The following SGCZ variants were observed in gnomAD, a reference collection of about 807,000 sequenced individuals.
SGCZ encodes the protein zeta-sarcoglycan.
SGCZ carries 40 observed loss-of-function variants against 41.3 expected under a neutral mutation model. The observed-to-expected ratio is 0.97, with a 90% confidence interval of 0.75 to 1.26. The LOEUF (loss-of-function observed/expected upper bound fraction) is 1.26, where lower values mean the gene tolerates loss of function less well. Among genes scored for constraint, SGCZ ranks in the 50% most tolerant of loss-of-function variants. The pLI is 0.00. For synonymous variants in SGCZ, 206 were observed against 137.5 expected (o/e 1.50, Z -3.49); for missense variants, 552 against 369.8 (o/e 1.49, Z -4.04).
At chr8:14,926,498 CCT>C (rs71762875) in intron 1 of SGCZ, among the ~76,000 whole-genome samples, 18,548 of 152,050 alleles carry the variant, frequency 0.12, 1,275 homozygotes, top group African/African-American at 0.19. Flanking sequence ...TACTGTTTCT[CCT>C]CTTTGTTCTA....
chr8:15,025,747 G>A (rs562296873), intron 1 of SGCZ, among the ~76,000 whole-genome samples: 7 of 152,270 alleles, frequency 4.6e-5, no homozygotes, highest in African/African-American at 1.7e-4. Flanking sequence ...TGACATATGA[G>A]ATTGGAAATT....
chr8:15,219,454 T>A (rs949951379), intron 1 of SGCZ, among the ~76,000 whole-genome samples: 2 of 152,190 alleles, frequency 1.3e-5, no homozygotes, highest in Non-Finnish European at 2.9e-5. Context: ...TATTCGTTGG[T>A]CAAAAATCAG....
At chr8:14,729,403 C>T (rs60185304) in intron 1 of SGCZ, among the ~76,000 whole-genome samples, 10,396 of 152,176 alleles carry the variant, frequency 0.068, 783 homozygotes, top group African/African-American at 0.19. Context: ...TTCAATAAGA[C>T]TGTTTTTGAA....
At chr8:14,427,823 C>A (rs1799829548) in intron 2 of SGCZ, among the ~76,000 whole-genome samples, 1 of 152,070 alleles carries the variant, frequency 6.6e-6, no homozygotes, top group African/African-American at 2.4e-5. Flanking sequence ...CCTACTTACT[C>A]ATGGGTTCAG....
At chr8:14,436,797 G>A (rs751646881) in intron 2 of SGCZ, among the ~76,000 whole-genome samples, 1 of 152,190 alleles carries the variant, frequency 6.6e-6, no homozygotes, top group African/African-American at 2.4e-5. Flanking sequence ...TGGTGGTTTA[G>A]AGGAAAAGCA....
chr8:14,302,478 G>T (rs1801228147), intron 3 of SGCZ, among the ~76,000 whole-genome samples: 2 of 151,830 alleles, frequency 1.3e-5, no homozygotes, highest in Non-Finnish European at 2.9e-5. Flanking sequence ...TTCTCTGATG[G>T]TCATTCCTTA....
At chr8:14,711,993 G>C (rs1809533967) in intron 1 of SGCZ, among the ~76,000 whole-genome samples, 1 of 152,144 alleles carries the variant, frequency 6.6e-6, no homozygotes, top group Admixed American at 6.6e-5. Flanking sequence ...ACCAGGCCAG[G>C]CGTGGTGGCT....
intron 4 of SGCZ, among the ~76,000 whole-genome samples, chr8:14,166,271 A>G (rs1000158914): frequency 1.3e-5 from 2 of 152,204 alleles, no homozygotes; most frequent in African/African-American, 4.8e-5. Flanking sequence ...AAAATATGGA[A>G]ACCATTGAAG....
At chr8:14,565,604 G>T (rs1804334933) in intron 1 of SGCZ, among the ~76,000 whole-genome samples, 1 of 152,018 alleles carries the variant, frequency 6.6e-6, no homozygotes, top group African/African-American at 2.4e-5. Flanking sequence ...AATCTTTAAG[G>T]AAAAACAAAT....
At chr8:14,551,204 C>T (rs1803798690) in intron 2 of SGCZ, among the ~76,000 whole-genome samples, 1 of 146,718 alleles carries the variant, frequency 6.8e-6, no homozygotes, top group Non-Finnish European at 1.5e-5. Flanking sequence ...AAAATCAGTA[C>T]TTTATTATTG....
intron 1 of SGCZ, among the ~76,000 whole-genome samples, chr8:15,099,398 G>GA (rs1806515741): frequency 6.6e-6 from 1 of 152,034 alleles, no homozygotes; most frequent in African/African-American, 2.4e-5. Context: ...CAAATTCTTG[G>GA]AAAAAATACT....
At chr8:14,293,493 C>A (rs936697681) in intron 3 of SGCZ, among the ~76,000 whole-genome samples, 3 of 151,980 alleles carry the variant, frequency 2.0e-5, no homozygotes, top group African/African-American at 4.8e-5. Context: ...CACAGAATGT[C>A]ATTCAGTTAC....
At chr8:14,624,188 T>C (rs913669554) in intron 1 of SGCZ, among the ~76,000 whole-genome samples, 12 of 152,172 alleles carry the variant, frequency 7.9e-5, no homozygotes, top group Non-Finnish European at 1.3e-4. Context: ...TGTACAGCAA[T>C]ATTTTCATTA....
rs144357013 is a variant in SGCZ, at chr8:15,148,623, T to C, written c.39+88962A>G. Reference sequence around the variant, plus strand: ...TAATACAACCCCTGAATTTACGATATTGTTGAGTCTCACTTATACTACGGC... The same window carrying C: ...TAATACAACCCCTGAATTTACGATACTGTTGAGTCTCACTTATACTACGGC... On this transcript the variant is annotated intron_variant, in intron 1 of 7. Transcript: ENST00000382080. 1.0e-3 allele frequency among the ~76,000 whole-genome samples: 154 copies of C among 152,288 alleles called. 3 individuals carry two copies. In the East Asian group the frequency reaches 0.027, roughly 27 times the overall value.
intron 1 of SGCZ, among the ~76,000 whole-genome samples, chr8:15,015,109 G>A (rs1425829352): frequency 6.6e-6 from 1 of 152,074 alleles, no homozygotes; most frequent in Non-Finnish European, 1.5e-5. Flanking sequence ...TGGGCACAGT[G>A]GTGTGCACCT....
chr8:14,716,354 A>G (rs181581802), intron 1 of SGCZ, among the ~76,000 whole-genome samples: 3 of 152,180 alleles, frequency 2.0e-5, no homozygotes, highest in Admixed American at 2.0e-4. Context: ...TTCCATGCGC[A>G]CACACACACT....
At chr8:14,687,506 C>T (rs990764109) in intron 1 of SGCZ, among the ~76,000 whole-genome samples, 11 of 151,736 alleles carry the variant, frequency 7.2e-5, no homozygotes, top group Admixed American at 4.6e-4. Context: ...CATCCATGTC[C>T]CTACAAAGGA....
intron 1 of SGCZ, among the ~76,000 whole-genome samples, chr8:14,822,075 C>A (rs1365769237): frequency 7.4e-5 from 7 of 95,056 alleles, no homozygotes; most frequent in Non-Finnish European, 1.8e-4. Context: ...CTAAAGATTA[C>A]ACACACACAC....
At chr8:14,672,675 G>T (rs960061796) in intron 1 of SGCZ, among the ~76,000 whole-genome samples, 20 of 152,104 alleles carry the variant, frequency 1.3e-4, no homozygotes, top group Non-Finnish European at 2.8e-4. Flanking sequence ...GAAGACACTG[G>T]TTGTGCTCAG....
Sources: gnomAD v4.1 joint callset for allele counts (sites outside exome capture counted in the v4.1 genomes callset) on GRCh38, gnomAD v4.1.1 for gene constraint, MANE v1.5 for transcripts, NCBI Gene and HGNC (gene_info 2026-07-23, HGNC 2026-07-21) for gene names.